Variants in KCNAB2 observed in about 807,000 individuals in gnomAD.
The protein encoded by KCNAB2 is potassium voltage-gated channel subfamily A regulatory beta subunit 2.
In KCNAB2, 29 loss-of-function variants were observed where a neutral mutation model predicts 63.6. The observed-to-expected ratio is 0.46, with a 90% confidence interval of 0.34 to 0.62. The LOEUF (loss-of-function observed/expected upper bound fraction) is 0.62. KCNAB2 is among the 20% of genes least tolerant of loss of function. The pLI, the probability that KCNAB2 is intolerant of heterozygous loss-of-function variation, is 0.01. For synonymous variants in KCNAB2, 222 were observed against 224.2 expected, an observed-to-expected ratio of 0.99 and a Z score of 0.09; for missense variants, 359 against 563.9, an observed-to-expected ratio of 0.64 and a Z score of 3.68.
At chr1:6,037,345 C>A (rs528075702) in intron 1 of KCNAB2, among the ~76,000 whole-genome samples, 1 of 152,368 alleles carries the variant, frequency 6.6e-6, no homozygotes, top group Admixed American at 6.5e-5. Context: ...CAGCCCCCAT[C>A]CCCTTCTGCA....
chr1:6,051,297 A>G (rs1451843921), intron 1 of KCNAB2, among the ~76,000 whole-genome samples: 2 of 152,270 alleles, frequency 1.3e-5, no homozygotes, highest in African/African-American at 4.8e-5. Flanking sequence ...CAGCTTAGCC[A>G]GAGTTCCTGG....
At chr1:6,013,238 G>A (rs756230438) in intron 1 of KCNAB2, among the ~76,000 whole-genome samples, 1 of 152,172 alleles carries the variant, frequency 6.6e-6, no homozygotes, top group African/African-American at 2.4e-5. Context: ...CAGGAAACGA[G>A]ACAGACCCAC....
At position 6,086,062 on chromosome 1, in the gene KCNAB2, A is replaced by G; in HGVS notation, c.425+814A>G. 1.0e-6 allele frequency: 1 copy of G among 985,390 alleles called. No individual in the cohort carries two copies. The highest frequency in any genetic ancestry group is 1.2e-6 in the Non-Finnish European group (1 of 829,934). 61.0% of individuals were successfully genotyped at this position (985,390 alleles called of 1,614,324 possible). On this transcript the variant is annotated intron_variant, in intron 6 of 15. Transcript: ENST00000378083. This position sits in a 1 kb window ranked among gnomAD's most constrained non-coding sequence, Gnocchi z 4.2. ...CCAACTGGGCTGAGCACTTGCCTACATTTTGAGGCTCCCCAGACCCCTGGA... is the reference window on the plus strand; with the variant it reads ...CCAACTGGGCTGAGCACTTGCCTACGTTTTGAGGCTCCCCAGACCCCTGGA...
chr1:6,091,985 C>T (rs1435779714), intron 10 of KCNAB2, among the ~76,000 whole-genome samples: 2 of 152,248 alleles, frequency 1.3e-5, no homozygotes, highest in Non-Finnish European at 2.9e-5. Context: ...GCCCTCCCCA[C>T]AGCTAACGGC....
intron 3 of KCNAB2, 114 bp downstream of exon 3, chr1:6,072,912 C>G: frequency 1.1e-6 from 1 of 915,962 alleles, no homozygotes. Flanking sequence ...TGGCACTCCC[C>G]AGGGAGTAGC....
chr1:6,005,706 G>A (rs531102514), intron 1 of KCNAB2, among the ~76,000 whole-genome samples: 8 of 152,050 alleles, frequency 5.3e-5, no homozygotes, highest in African/African-American at 1.7e-4. Context: ...TTTCCCAGCG[G>A]TCACTGTGAG....
At chr1:6,013,571 C>A (rs540008849) in intron 1 of KCNAB2, among the ~76,000 whole-genome samples, 3 of 152,284 alleles carry the variant, frequency 2.0e-5, no homozygotes, top group Admixed American at 2.0e-4. Flanking sequence ...AGGGCTCCCC[C>A]ACACCACTGC....
intron 1 of KCNAB2, chr1:6,025,928 A>G (rs1295606296): frequency 3.5e-5 from 5 of 143,348 alleles, no homozygotes; most frequent in Non-Finnish European, 6.4e-5. Context: ...CGATCCCGGC[A>G]CACAGCCGAT....
In KCNAB2 at chr1:6,086,461, G is replaced by C. The variant is rs1664705600; in HGVS notation, c.426-1006G>C. The C allele has an allele frequency of 1.2e-6, 1 of 860,208 alleles. No homozygotes were observed. 53.3% of individuals were successfully genotyped at this position (860,208 alleles called of 1,614,324 possible). A position where few individuals can be genotyped will look rare whatever the true frequency, so the allele number is the denominator to read the frequency against. ...GTGACGCTGCCTCTGCCAGAGCTCT[G>C]TGGCCGATGCTTCGGGGCAGAGGAG... On this transcript the variant is annotated intron_variant, in intron 6 of 15. Transcript: ENST00000378083. This position sits in a 1 kb window ranked among gnomAD's most constrained non-coding sequence, Gnocchi z 4.2.
Position 6,100,265 on chromosome 1 carries a change from T to G in KCNAB2, c.*1691T>G, listed in dbSNP as rs1050430347. ...TTCTGCTATTACCGACCCCCCTTCATGCTGCCCCTGGCGCCTAGAACCCTT... is the reference window on the plus strand; with the variant it reads ...TTCTGCTATTACCGACCCCCCTTCAGGCTGCCCCTGGCGCCTAGAACCCTT... On this transcript the variant is annotated 3_prime_UTR_variant, in exon 16 of 16. Coordinates refer to ENST00000378083, the MANE Select transcript of KCNAB2 (RefSeq NM_001199862.2). 2 of 550,636 alleles carry G rather than the reference T, an allele frequency of 3.6e-6. No homozygotes were observed. Among genetic ancestry groups the G allele is most frequent in the African/African-American group, 3.8e-5 (2 of 52,532 alleles). The allele number at this position is 550,636 out of a possible 1,614,324, so 34.1% of individuals were successfully genotyped here. A position where few individuals can be genotyped will look rare whatever the true frequency, so the allele number is the denominator to read the frequency against.
At position 6,072,813 on chromosome 1, in the gene KCNAB2, C is replaced by T; in HGVS notation, c.262+15C>T. The T allele has an allele frequency of 1.9e-6, 3 of 1,612,482 alleles. No homozygotes were observed. Among genetic ancestry groups the T allele is most frequent in the Non-Finnish European group, 2.5e-6 (3 of 1,178,826 alleles). The stretch of plus-strand genomic sequence containing the variant: ...CCTGGGACTTGGTGAGTGTGGGGGT[C>T]CCCTCCGTCCCACCAGGGAAACAGG... On this transcript the variant is annotated intron_variant, in intron 3 of 15. Transcript: ENST00000378083.
chr1:6,009,839 T>G (rs1290113126), intron 1 of KCNAB2, among the ~76,000 whole-genome samples: 1 of 151,972 alleles, frequency 6.6e-6, no homozygotes, highest in Non-Finnish European at 1.5e-5. Flanking sequence ...CATCTCATGA[T>G]TTGGGTCATC....
At chr1:6,013,781 A>C in intron 1 of KCNAB2, among the ~76,000 whole-genome samples, 2 of 149,386 alleles carry the variant, frequency 1.3e-5, no homozygotes, top group Admixed American at 6.7e-5. Flanking sequence ...TGCCTCGGAG[A>C]CTCCTGACGA....
chr1:6,046,328 C>A, intron 1 of KCNAB2, 145 bp downstream of exon 1: 1 of 444,698 alleles, frequency 2.2e-6, no homozygotes, highest in Non-Finnish European at 3.0e-6. Flanking sequence ...TTTTGCAAAG[C>A]AGAAGACCTT....
chr1:6,037,214 C>G (rs1660110640), intron 1 of KCNAB2, among the ~76,000 whole-genome samples: 1 of 152,208 alleles, frequency 6.6e-6, no homozygotes, highest in South Asian at 2.1e-4. Flanking sequence ...AGTCCCTGCA[C>G]TGTTTTCCAA....
intron 4 of KCNAB2, among the ~76,000 whole-genome samples, chr1:6,075,803 A>T (rs1182577536): frequency 4.6e-5 from 7 of 152,202 alleles, no homozygotes; most frequent in African/African-American, 1.7e-4. Context: ...GTACATTCAC[A>T]TACTGTGCCA....
intron 5 of KCNAB2, among the ~76,000 whole-genome samples, chr1:6,083,399 C>T (rs1338901729): frequency 6.6e-6 from 1 of 152,228 alleles, no homozygotes; most frequent in African/African-American, 2.4e-5. Flanking sequence ...CCCCATGTCA[C>T]AGCAGCCACA....
At chr1:6,067,521 G>A (rs774409610) in intron 2 of KCNAB2, among the ~76,000 whole-genome samples, 1 of 152,192 alleles carries the variant, frequency 6.6e-6, no homozygotes, top group Non-Finnish European at 1.5e-5. Context: ...TGTCATCTAA[G>A]CCAACCCTTG....
At chr1:6,058,355 T>G (rs1192717287) in intron 2 of KCNAB2, among the ~76,000 whole-genome samples, 1 of 152,184 alleles carries the variant, frequency 6.6e-6, no homozygotes, top group African/African-American at 2.4e-5. Flanking sequence ...CTCAACACCT[T>G]GAGCCTGCGG....
Sources: gnomAD v4.1 joint callset for allele counts (sites outside exome capture counted in the v4.1 genomes callset) on GRCh38, gnomAD v4.1.1 for gene constraint, Gnocchi (gnomAD v3.1) non-coding constraint, MANE v1.5 for transcripts, NCBI Gene and HGNC (gene_info 2026-07-23, HGNC 2026-07-21) for gene names.